The following CNTNAP2 variants were observed in gnomAD, a reference collection of about 807,000 sequenced individuals.
CNTNAP2 encodes the protein contactin-associated protein-like 2.
In CNTNAP2, 98 loss-of-function variants were observed where a neutral mutation model predicts 155.2. The ratio of observed to expected loss-of-function variants is 0.63; its 90% CI spans 0.54 to 0.75. The LOEUF (loss-of-function observed/expected upper bound fraction) is 0.75, where lower values mean the gene tolerates loss of function less well. Among genes scored for constraint, CNTNAP2 ranks in the 30% least tolerant of loss-of-function variants. The probability of loss-of-function intolerance (pLI) is 0.00; values close to 1 mark genes in which losing one functional copy is unlikely to be tolerated. For synonymous variants in CNTNAP2, 651 were observed against 631.2 expected (o/e 1.03, Z -0.47); for missense variants, 1,727 against 1,688.1 (o/e 1.02, Z -0.40).
intron 1 of CNTNAP2, among the ~76,000 whole-genome samples, chr7:146,168,611 C>T (rs1191882493): frequency 2.0e-5 from 3 of 152,160 alleles, no homozygotes; most frequent in African/African-American, 7.2e-5. Flanking sequence ...TTCTCTCCTG[C>T]TCACATTTAC....
At chr7:147,986,151 TATGTAGG>T (rs1801614992) in intron 15 of CNTNAP2, among the ~76,000 whole-genome samples, 1 of 152,092 alleles carries the variant, frequency 6.6e-6, no homozygotes, top group Non-Finnish European at 1.5e-5. Context: ...TCAGGCAATC[TATGTAGG>T]ATGATAATAG....
intron 11 of CNTNAP2, among the ~76,000 whole-genome samples, chr7:147,504,951 C>T (rs996573136): frequency 2.6e-5 from 4 of 151,958 alleles, no homozygotes; most frequent in Non-Finnish European, 5.9e-5. Context: ...CACACACACA[C>T]GCATGCACAC....
intron 15 of CNTNAP2, among the ~76,000 whole-genome samples, chr7:148,066,660 G>C (rs1803271088): frequency 6.6e-6 from 1 of 151,798 alleles, no homozygotes; most frequent in African/African-American, 2.4e-5. Flanking sequence ...ACCACACCCA[G>C]CTAATTTTTT....
At chr7:147,273,929 A>G (rs1353563683) in intron 8 of CNTNAP2, among the ~76,000 whole-genome samples, 1 of 148,102 alleles carries the variant, frequency 6.8e-6, no homozygotes, top group Non-Finnish European at 1.5e-5. Flanking sequence ...TATTTCATAT[A>G]TATGTAATAT....
intron 3 of CNTNAP2, among the ~76,000 whole-genome samples, chr7:146,919,581 T>C (rs764349330): frequency 6.6e-6 from 1 of 152,136 alleles, no homozygotes; most frequent in Non-Finnish European, 1.5e-5. Context: ...GCTGCTCCAG[T>C]GGAGGTAGCA....
chr7:147,304,084 C>T (rs1794986924), intron 9 of CNTNAP2, among the ~76,000 whole-genome samples: 1 of 152,192 alleles, frequency 6.6e-6, no homozygotes, highest in South Asian at 2.1e-4. Flanking sequence ...GCAGCCCAGG[C>T]TGGGCCGTTT....
chr7:147,666,031 A>G (rs933823066), intron 13 of CNTNAP2, among the ~76,000 whole-genome samples: 4 of 152,180 alleles, frequency 2.6e-5, no homozygotes, highest in African/African-American at 9.7e-5. Context: ...GTATGTCATA[A>G]CACTACCTCT....
chr7:147,170,548 C>T (rs1277803940), intron 8 of CNTNAP2, among the ~76,000 whole-genome samples: 1 of 146,882 alleles, frequency 6.8e-6, no homozygotes, highest in African/African-American at 2.5e-5. Context: ...GGTGCCACAC[C>T]AGCCTGTGAA....
intron 15 of CNTNAP2, among the ~76,000 whole-genome samples, chr7:148,114,271 G>A (rs958691207): frequency 3.6e-4 from 55 of 152,194 alleles, no homozygotes; most frequent in African/African-American, 1.3e-3. Context: ...ATCAGTAGGT[G>A]CTAAAGCAGC....
intron 13 of CNTNAP2, among the ~76,000 whole-genome samples, chr7:147,760,479 T>C (rs1797282384): frequency 6.6e-6 from 1 of 152,214 alleles, no homozygotes; most frequent in South Asian, 2.1e-4. Flanking sequence ...TGAGAATTAA[T>C]TGTAAACAAA....
chr7:146,832,938 C>T (rs748698979), intron 2 of CNTNAP2, among the ~76,000 whole-genome samples: 46 of 151,958 alleles, frequency 3.0e-4, no homozygotes, highest in Non-Finnish European at 6.0e-4. Flanking sequence ...TCAAGTGATC[C>T]ACCCGCCTCG....
At chr7:146,215,113 C>G (rs1355715105) in intron 1 of CNTNAP2, among the ~76,000 whole-genome samples, 2 of 152,118 alleles carry the variant, frequency 1.3e-5, no homozygotes, top group African/African-American at 4.8e-5. Flanking sequence ...AAATTTTTAG[C>G]TATAAATGCA....
chr7:147,710,186 C>T (rs1584913120), intron 13 of CNTNAP2, among the ~76,000 whole-genome samples: 2 of 152,266 alleles, frequency 1.3e-5, no homozygotes, highest in African/African-American at 2.4e-5. Flanking sequence ...CTGTAAATTA[C>T]ATTTACAACT....
chr7:148,254,873 T>A (rs1796433406), intron 20 of CNTNAP2, among the ~76,000 whole-genome samples: 2 of 152,174 alleles, frequency 1.3e-5, no homozygotes, highest in Admixed American at 1.3e-4. Context: ...TTCCTAATTT[T>A]ATTGTTTTCT....
At chr7:147,870,036 T>G (rs796348969) in intron 13 of CNTNAP2, among the ~76,000 whole-genome samples, 7 of 152,244 alleles carry the variant, frequency 4.6e-5, no homozygotes, top group African/African-American at 1.7e-4. Flanking sequence ...ATTTAACAGG[T>G]GAATGACTAA....
chr7:148,034,137 A>G (rs774623092), intron 15 of CNTNAP2, among the ~76,000 whole-genome samples: 1 of 152,256 alleles, frequency 6.6e-6, no homozygotes, highest in Non-Finnish European at 1.5e-5. Context: ...GATATAAATG[A>G]GACATCTATA....
intron 21 of CNTNAP2, among the ~76,000 whole-genome samples, chr7:148,380,165 C>T (rs976693219): frequency 7.1e-6 from 1 of 140,906 alleles, no homozygotes; most frequent in Non-Finnish European, 1.5e-5. Context: ...AAGTTTCCCC[C>T]ACAAATAACA....
intron 12 of CNTNAP2, among the ~76,000 whole-genome samples, chr7:147,616,625 C>G (rs115828539): frequency 6.6e-6 from 1 of 152,132 alleles, no homozygotes; most frequent in East Asian, 1.9e-4. Flanking sequence ...ATTAGGATCT[C>G]CCTTACCAAT....
intron 11 of CNTNAP2, among the ~76,000 whole-genome samples, chr7:147,511,003 T>C (rs1799009615): frequency 6.6e-6 from 1 of 151,592 alleles, no homozygotes; most frequent in Admixed American, 6.6e-5. Flanking sequence ...TTAAATTATA[T>C]TTTATTTGAT....
Sources: gnomAD v4.1 joint callset for allele counts (sites outside exome capture counted in the v4.1 genomes callset) on GRCh38, gnomAD v4.1.1 for gene constraint, MANE v1.5 for transcripts, NCBI Gene and HGNC (gene_info 2026-07-23, HGNC 2026-07-21) for gene names.